The following INTS10 variants were observed in gnomAD, a reference collection of about 807,000 sequenced individuals.
INTS10 encodes the protein integrator complex subunit 10.
INTS10 carries 44 observed loss-of-function variants against 94.4 expected under a neutral mutation model. The observed-to-expected ratio is 0.47, with a 90% CI of 0.37 to 0.60. The LOEUF is 0.60. Among genes scored for constraint, INTS10 ranks in the 20% least tolerant of loss-of-function variants. The pLI, the probability that INTS10 is intolerant of heterozygous loss-of-function variation, is 0.00. For missense variants in INTS10, 797 were observed against 868.7 expected, an observed-to-expected ratio of 0.92 and a Z score of 1.04; for synonymous variants, 341 against 320.7, an observed-to-expected ratio of 1.06 and a Z score of -0.68.
chr8:19,828,645 C>T (rs534397801), intron 9 of INTS10, among the ~76,000 whole-genome samples: 2 of 151,758 alleles, frequency 1.3e-5, no homozygotes, highest in African/African-American at 2.4e-5. Context: ...CATGTGTGTT[C>T]GTGTATGATA....
chr8:19,838,633 A>G (rs1442110123), intron 13 of INTS10, among the ~76,000 whole-genome samples: 1 of 152,222 alleles, frequency 6.6e-6, no homozygotes, highest in Non-Finnish European at 1.5e-5. Flanking sequence ...GAGTATCACA[A>G]GAAAAGAACT....
intron 9 of INTS10, among the ~76,000 whole-genome samples, chr8:19,827,260 C>CTT (rs1198140266): frequency 6.6e-6 from 1 of 152,176 alleles, no homozygotes; most frequent in African/African-American, 2.4e-5. Context: ...GGTTACAGTG[C>CTT]TTTTCCCTTG....
At chr8:19,850,327 ATGTCCTAACTAC>A (rs1476638842) in intron 16 of INTS10, among the ~76,000 whole-genome samples, 2 of 152,054 alleles carry the variant, frequency 1.3e-5, no homozygotes, top group Non-Finnish European at 1.5e-5. Flanking sequence ...CACCGATGCT[ATGTCCTAACTAC>A]TGAGCTACCC....
chr8:19,838,642 C>G lies in INTS10; in HGVS notation c.1639+1482C>G, dbSNP rs192660458. Among the ~76,000 whole-genome samples, 32 of 152,238 alleles carry G rather than the reference C, an allele frequency of 2.1e-4. No individual in the cohort carries two copies. The South Asian group carries it at 6.2e-3, about 30-fold the overall frequency. On this transcript the variant is annotated intron_variant, in intron 13 of 16. Transcript: ENST00000397977. The stretch of plus-strand genomic sequence containing the variant: ...AAACAAGAGTATCACAAGAAAAGAA[C>G]TTTAAAGGCCAGTATCCATCATGAA...
intron 9 of INTS10, among the ~76,000 whole-genome samples, chr8:19,829,786 A>T (rs999602950): frequency 6.6e-6 from 1 of 152,130 alleles, no homozygotes; most frequent in African/African-American, 2.4e-5. Context: ...CTTGTGTCTC[A>T]ACCTCCTGAG....
At position 19,836,397 on chromosome 8, in the gene INTS10, C is replaced by T. The variant is rs544317170; in HGVS notation, c.1531-655C>T. On this transcript the variant is annotated intron_variant, in intron 12 of 16. Transcript: ENST00000397977. The stretch of plus-strand genomic sequence containing the variant: ...ATCAAGGGCAGCCTGCACAGAGGCA[C>T]TCGAGGCTCCTCTCCACCAGCAGTG... 7.2e-5 allele frequency among the ~76,000 whole-genome samples: 11 copies of T among 152,296 alleles called. 1 individual carries two copies. In the East Asian group the frequency reaches 2.1e-3, roughly 29 times the overall value.
intron 5 of INTS10, 119 bp downstream of exon 5, chr8:19,822,639 A>G: frequency 1.6e-6 from 1 of 611,288 alleles, no homozygotes; most frequent in Non-Finnish European, 2.8e-6. Flanking sequence ...ATGGCATTTA[A>G]GTTCTTTTTT....
chr8:19,845,844 G>T (rs2068534588), intron 16 of INTS10, 47 bp downstream of exon 16: 1 of 1,315,356 alleles, frequency 7.6e-7, no homozygotes, highest in East Asian at 2.3e-5. Flanking sequence ...CTCACCTTTT[G>T]TGTCTTTGTA....
intron 2 of INTS10, 90 bp downstream of exon 2, chr8:19,818,432 T>C: frequency 1.5e-6 from 2 of 1,315,536 alleles, no homozygotes; most frequent in East Asian, 4.7e-5. Flanking sequence ...TGGGGGAAGA[T>C]CTTCAAGTTC....
chr8:19,839,449 C>T (rs1486422166), intron 13 of INTS10, among the ~76,000 whole-genome samples: 1 of 152,126 alleles, frequency 6.6e-6, no homozygotes, highest in Non-Finnish European at 1.5e-5. Context: ...CCTGTAATCC[C>T]CGCACTTTGA....
chr8:19,825,055 T>C, intron 8 of INTS10, 83 bp downstream of exon 8: 2 of 1,167,560 alleles, frequency 1.7e-6, no homozygotes, highest in African/African-American at 1.5e-5. Context: ...TTATCCAGTA[T>C]TGCTGGATCC....
Position 19,851,834 on chromosome 8 carries a change from G to A in INTS10, c.*29G>A, listed in dbSNP as rs752268422. On this transcript the variant is annotated 3_prime_UTR_variant, in exon 17 of 17. Coordinates refer to ENST00000397977, the MANE Select transcript of INTS10 (RefSeq NM_018142.4). The surrounding 1 kb of genome is among the most constrained non-coding windows in gnomAD (Gnocchi z 5.0). ...GAGACCTTTCCACCAGACACAGCTC[G>A]GGCCTGTGTAATTGTAGGAGAAGAC... The A allele has an allele frequency of 5.6e-6, 9 of 1,604,428 alleles. No individual in the cohort carries two copies. The highest frequency in any genetic ancestry group is 1.6e-4 in the Middle Eastern group (1 of 6,064).
chr8:19,836,609 C>T (rs951128419), intron 12 of INTS10, among the ~76,000 whole-genome samples: 1 of 152,216 alleles, frequency 6.6e-6, no homozygotes, highest in Admixed American at 6.5e-5. Context: ...GCTTTTCTTG[C>T]TAGTTTCTCC....
rs1259083073 is a variant in INTS10 at position 19,846,493 on chromosome 8, A to G, written c.1976+696A>G. Among the ~76,000 whole-genome samples the G allele has an allele frequency of 6.6e-6, 1 of 152,168 alleles. No individual in the cohort carries two copies. The highest frequency in any genetic ancestry group is 1.5e-5 in the Non-Finnish European group (1 of 68,024). On this transcript the variant is annotated intron_variant, in intron 16 of 16. Coordinates refer to ENST00000397977, the MANE Select transcript of INTS10 (RefSeq NM_018142.4). The surrounding 1 kb of genome is among the most constrained non-coding windows in gnomAD (Gnocchi z 4.2). Reference sequence around the variant, plus strand: ...TAATTAAAATTGTGCTGGGTTAGAAAAATTCTTTAGGAAAAACTACAGACT... The same window carrying G: ...TAATTAAAATTGTGCTGGGTTAGAAGAATTCTTTAGGAAAAACTACAGACT...
Position 19,833,216 on chromosome 8 carries a change from C to T in INTS10, c.1425C>T (p.Leu475=). ...AIASLHHLAA[L]QGSISQPQIT... ...CCAGCCTGCATCACTTAGCAGCTCT[C>T]CAGGGATCCATTTCTCAGCCACAGA... The change falls in exon 12 of 17, where the codon CTC becomes CTT. Residue 475 remains leucine (L), a synonymous_variant. Transcript: ENST00000397977. The T allele has an allele frequency of 1.2e-6, 2 of 1,612,682 alleles. No homozygotes were observed. Among genetic ancestry groups the T allele is most frequent in the Non-Finnish European group, 1.7e-6 (2 of 1,179,324 alleles).
chr8:19,824,602 A>G (rs1342254919), intron 7 of INTS10: 2 of 487,232 alleles, frequency 4.1e-6, no homozygotes, highest in Non-Finnish European at 7.1e-6. Flanking sequence ...GAAGCTACTT[A>G]GCATGTTTGT....
chr8:19,824,179 G>C (rs2066612817), intron 7 of INTS10, 135 bp downstream of exon 7: 1 of 651,840 alleles, frequency 1.5e-6, no homozygotes, highest in South Asian at 2.2e-5. Flanking sequence ...ATGCAAAAGA[G>C]GATGGTTTTT....
chr8:19,850,607 A>G (rs2068948226), intron 16 of INTS10, among the ~76,000 whole-genome samples: 1 of 152,084 alleles, frequency 6.6e-6, no homozygotes. Flanking sequence ...TAACACTTTT[A>G]TCTTGCCCAG....
chr8:19,819,526 TG>T (rs2066201875), intron 2 of INTS10, 46 bp from the exon 3 acceptor site: 1 of 1,427,460 alleles, frequency 7.0e-7, no homozygotes, highest in Non-Finnish European at 9.6e-7. Flanking sequence ...TTTTGGATAC[TG>T]TATAGACTTT....
Sources: gnomAD v4.1 joint callset for allele counts (sites outside exome capture counted in the v4.1 genomes callset) on GRCh38, gnomAD v4.1.1 for gene constraint, Gnocchi (gnomAD v3.1) non-coding constraint, MANE v1.5 for transcripts, NCBI Gene and HGNC (gene_info 2026-07-23, HGNC 2026-07-21) for gene names.